The following RAB28 variants were observed in gnomAD, a reference collection of about 807,000 sequenced individuals.
RAB28 encodes the protein ras-related protein Rab-28.
A neutral mutation model predicts 31.7 loss-of-function variants in RAB28; 24 were observed. The observed-to-expected ratio is 0.76, with a 90% CI of 0.55 to 1.06. The LOEUF (loss-of-function observed/expected upper bound fraction) is 1.06, where lower values mean the gene tolerates loss of function less well. Ranked by LOEUF, RAB28 falls within the 50% of genes least tolerant of loss-of-function variation. The pLI, the probability that RAB28 is intolerant of heterozygous loss-of-function variation, is 0.00. For synonymous variants in RAB28, 100 were observed against 90.4 expected (o/e 1.11, Z -0.60); for missense variants, 254 against 258.5 (o/e 0.98, Z 0.12).
rs531243025 is a variant in RAB28 at position 13,435,755 on chromosome 4, G to A, written c.391+24944C>T. On this transcript the variant is annotated intron_variant, in intron 4 of 6. Transcript: ENST00000330852. ...AAAAATATATTAAACAAATACTGCCGCGGACCAGATGCATTTCACAGCCAA... is the reference window on the plus strand; with the variant it reads ...AAAAATATATTAAACAAATACTGCCACGGACCAGATGCATTTCACAGCCAA... Among the ~76,000 whole-genome samples, 334 of 152,096 alleles carry A rather than the reference G, an allele frequency of 2.2e-3. 1 individual carries two copies. The highest frequency in any genetic ancestry group is 5.0e-3 in the East Asian group (26 of 5,174).
intron 4 of RAB28, among the ~76,000 whole-genome samples, chr4:13,392,822 T>C (rs1729699572): frequency 2.6e-5 from 4 of 152,348 alleles, no homozygotes; most frequent in South Asian, 2.1e-4. Flanking sequence ...CATTACTCAA[T>C]GTACACATAT....
intron 4 of RAB28, among the ~76,000 whole-genome samples, chr4:13,459,274 C>T (rs546019828): frequency 1.3e-5 from 2 of 152,286 alleles, no homozygotes; most frequent in South Asian, 4.1e-4. Flanking sequence ...TACTGGTTTC[C>T]TTGCACTTCA....
Position 13,422,858 on chromosome 4 carries a change from C to A in RAB28, c.391+37841G>T, listed in dbSNP as rs189302373. 3.6e-4 allele frequency among the ~76,000 whole-genome samples: 55 copies of A among 151,452 alleles called. No individual in the cohort carries two copies. In the East Asian group the frequency reaches 0.01, roughly 28 times the overall value. On this transcript the variant is annotated intron_variant, in intron 4 of 6. Transcript: ENST00000330852. The stretch of plus-strand genomic sequence containing the variant: ...GCACATGTACACCTATAAAACAAAC[C>A]TGCATGTTGTGCACATGTACCCTAG...
At chr4:13,464,368 T>C (rs2108963227) in intron 3 of RAB28, among the ~76,000 whole-genome samples, 1 of 152,206 alleles carries the variant, frequency 6.6e-6, no homozygotes, top group South Asian at 2.1e-4. Flanking sequence ...AATCAGAACA[T>C]TGTATTCCAT....
intron 4 of RAB28, among the ~76,000 whole-genome samples, chr4:13,414,486 T>C (rs1712632421): frequency 1.3e-5 from 2 of 152,198 alleles, no homozygotes; most frequent in South Asian, 4.1e-4. Context: ...CCAAAAGAGG[T>C]ACCAAAATCC....
chr4:13,478,094 C>T (rs1249838660), intron 2 of RAB28, among the ~76,000 whole-genome samples: 1 of 151,510 alleles, frequency 6.6e-6, no homozygotes, highest in Admixed American at 6.6e-5. Flanking sequence ...GAAAAAAACT[C>T]CTGCAAAAAT....
intron 4 of RAB28, among the ~76,000 whole-genome samples, chr4:13,446,346 T>C (rs1714694817): frequency 1.3e-5 from 2 of 152,188 alleles, no homozygotes; most frequent in African/African-American, 4.8e-5. Flanking sequence ...CTTGGCTCCC[T>C]GGCTTCAGCC....
In RAB28 at chr4:13,416,089, G is replaced by A. The variant is rs539357892; in HGVS notation, c.392-34495C>T. Among the ~76,000 whole-genome samples the A allele has an allele frequency of 3.7e-4, 57 of 152,204 alleles. No individual in the cohort carries two copies. The Middle Eastern group carries it at 0.01, about 27-fold the overall frequency. ...ATCAGCACCCTGTCAAAACAGACTC[G>A]GCTCTCTGTAAAATGGAGCAATCAG... On this transcript the variant is annotated intron_variant, in intron 4 of 6. Coordinates refer to ENST00000330852, the MANE Select transcript of RAB28 (RefSeq NM_001017979.3).
intron 4 of RAB28, among the ~76,000 whole-genome samples, chr4:13,453,080 G>A (rs1013631377): frequency 6.6e-6 from 1 of 151,988 alleles, no homozygotes; most frequent in Non-Finnish European, 1.5e-5. Flanking sequence ...TCTGATTTAT[G>A]TATAGCTACT....
intron 4 of RAB28, among the ~76,000 whole-genome samples, chr4:13,394,007 T>C (rs1729763881): frequency 6.6e-6 from 1 of 152,168 alleles, no homozygotes; most frequent in Non-Finnish European, 1.5e-5. Flanking sequence ...AGACATTATC[T>C]TTACCCTCAC....
At chr4:13,448,594 A>T (rs1477457875) in intron 4 of RAB28, among the ~76,000 whole-genome samples, 1 of 152,092 alleles carries the variant, frequency 6.6e-6, no homozygotes, top group Non-Finnish European at 1.5e-5. Context: ...GATGAAAAAC[A>T]GTTTTTGATT....
intron 4 of RAB28, among the ~76,000 whole-genome samples, chr4:13,393,705 TATATC>T (rs777206797): frequency 2.6e-5 from 4 of 151,980 alleles, no homozygotes; most frequent in Non-Finnish European, 2.9e-5. Context: ...CATAATTAAC[TATATC>T]ATAACTTTAA....
At chr4:13,459,735 T>C in intron 4 of RAB28, 1 of 1,043,730 alleles carries the variant, frequency 9.6e-7, no homozygotes, top group South Asian at 2.9e-5. Flanking sequence ...AAGAGGAAGT[T>C]TATAAGAGAC....
chr4:13,375,256 ATTATGAGGATAAC>A (rs1282455538), intron 6 of RAB28, among the ~76,000 whole-genome samples: 1 of 152,202 alleles, frequency 6.6e-6, no homozygotes, highest in African/African-American at 2.4e-5. Flanking sequence ...CCAGGGAGTT[ATTATGAGGATAAC>A]TGAGATAACA....
At chr4:13,421,284 T>C (rs966956046) in intron 4 of RAB28, among the ~76,000 whole-genome samples, 4 of 152,198 alleles carry the variant, frequency 2.6e-5, no homozygotes, top group African/African-American at 9.7e-5. Flanking sequence ...GAACAATCCA[T>C]GCTCATGAAT....
chr4:13,381,674 C>T, intron 4 of RAB28, 80 bp from the exon 5 acceptor site: 1 of 996,844 alleles, frequency 1.0e-6, no homozygotes, highest in Non-Finnish European at 1.5e-6. Context: ...ATTTGACTTG[C>T]TTTCCAATAT....
At chr4:13,425,497 C>T (rs1433344424) in intron 4 of RAB28, among the ~76,000 whole-genome samples, 1 of 152,148 alleles carries the variant, frequency 6.6e-6, no homozygotes, top group Non-Finnish European at 1.5e-5. Context: ...TATATTCAAT[C>T]TAGCATCATG....
intron 6 of RAB28, chr4:13,369,886 G>A: frequency 6.2e-7 from 1 of 1,611,694 alleles, no homozygotes; most frequent in Non-Finnish European, 8.5e-7. Context: ...CTACTGTACT[G>A]AACAGATTCT....
intron 4 of RAB28, among the ~76,000 whole-genome samples, chr4:13,406,205 T>C (rs985045428): frequency 6.6e-6 from 1 of 152,116 alleles, no homozygotes; most frequent in Non-Finnish European, 1.5e-5. Flanking sequence ...CCTGTGTCCA[T>C]GTGTTCTTAT....
Sources: allele counts gnomAD v4.1 joint callset (sites outside exome capture counted in the v4.1 genomes callset), GRCh38; gene constraint gnomAD v4.1.1; transcripts MANE v1.5; gene names NCBI Gene and HGNC (gene_info 2026-07-23, HGNC 2026-07-21).